Variants in PNLIPRP1 observed in about 807,000 individuals in gnomAD.
PNLIPRP1 encodes the protein pancreatic lipase related protein 1, also known as inactive pancreatic lipase-related protein 1.
PNLIPRP1 carries 57 observed loss-of-function variants against 54.6 expected under a neutral mutation model. The observed-to-expected ratio is 1.04, with a 90% CI of 0.84 to 1.30. PNLIPRP1 has a LOEUF of 1.30. Among genes scored for constraint, PNLIPRP1 ranks in the 50% most tolerant of loss-of-function variants. The pLI, the probability that PNLIPRP1 is intolerant of heterozygous loss-of-function variation, is 0.00. For missense variants in PNLIPRP1, 567 were observed against 568.5 expected (o/e 1.00, Z 0.03); for synonymous variants, 232 against 208.8 (o/e 1.11, Z -0.96).
intron 10 of PNLIPRP1, among the ~76,000 whole-genome samples, chr10:116,603,024 T>C (rs1045981522): frequency 2.0e-5 from 3 of 152,182 alleles, no homozygotes; most frequent in African/African-American, 7.2e-5. Context: ...GTATTGTGTG[T>C]GCACATGCAT....
Position 116,603,012 on chromosome 10 carries a change from ATGTAT to A in PNLIPRP1, c.1064-1014_1064-1010del, listed in dbSNP as rs1469647471. ...TGCACGCACATGCATGTTTGTGTAT[ATGTAT>A]TGTGTGTGCACATGCATATGTTTGT... On this transcript the variant is annotated intron_variant, in intron 10 of 12. Transcript: ENST00000358834. Among the ~76,000 whole-genome samples the A allele has an allele frequency of 2.0e-5, 3 of 152,010 alleles. No homozygotes were observed. The East Asian group carries it at 5.8e-4, about 29-fold the overall frequency.
rs782543696 is a variant in PNLIPRP1 at position 116,603,017 on chromosome 10, TTG to T, written c.1064-1006_1064-1005del. On this transcript the variant is annotated intron_variant, in intron 10 of 12. Coordinates refer to ENST00000358834, the MANE Select transcript of PNLIPRP1 (RefSeq NM_006229.4). ...GCACATGCATGTTTGTGTATATGTATTGTGTGTGCACATGCATATGTTTGTGT... is the reference window on the plus strand; with the variant it reads ...GCACATGCATGTTTGTGTATATGTATTGTGTGCACATGCATATGTTTGTGT... Among the ~76,000 whole-genome samples, 104 of 152,190 alleles carry T rather than the reference TTG, an allele frequency of 6.8e-4. 1 individual carries two copies. Among genetic ancestry groups the T allele is most frequent in the Non-Finnish European group, 1.2e-3 (83 of 68,002 alleles).
chr10:116,592,067 A>G, intron 3 of PNLIPRP1, 142 bp downstream of exon 3: 1 of 823,670 alleles, frequency 1.2e-6, no homozygotes, highest in Non-Finnish European at 1.9e-6. Context: ...ACCTAGCTAG[A>G]CCTAGACAGA....
intron 5 of PNLIPRP1, 152 bp downstream of exon 5, chr10:116,595,016 A>G: frequency 1.1e-6 from 1 of 915,968 alleles, no homozygotes; most frequent in Non-Finnish European, 1.6e-6. Flanking sequence ...CTTCATAATG[A>G]CACGCCAGTG....
chr10:116,608,148 C>T (rs1312058913), intron 12 of PNLIPRP1, among the ~76,000 whole-genome samples: 1 of 152,210 alleles, frequency 6.6e-6, no homozygotes, highest in South Asian at 2.1e-4. Context: ...TGAGCCACCA[C>T]ACCAGGCCTT....
At chr10:116,600,691 T>A (rs1450973574) in intron 9 of PNLIPRP1, among the ~76,000 whole-genome samples, 1 of 152,078 alleles carries the variant, frequency 6.6e-6, no homozygotes, top group Non-Finnish European at 1.5e-5. Context: ...TTCAGAGACA[T>A]CATGTTGGTA....
At chr10:116,599,413 T>G (rs1847794297) in intron 8 of PNLIPRP1, among the ~76,000 whole-genome samples, 2 of 152,172 alleles carry the variant, frequency 1.3e-5, no homozygotes, top group African/African-American at 4.8e-5. Flanking sequence ...AGGCCAGGTC[T>G]AGAAGGTATA....
At chr10:116,595,890 A>G (rs781938513) in intron 5 of PNLIPRP1, 4 of 221,790 alleles carry the variant, frequency 1.8e-5, no homozygotes, top group Non-Finnish European at 3.6e-5. Flanking sequence ...CTAAATTGAC[A>G]GCTGAAGGCT....
chr10:116,606,465 C>G (rs1402775652), intron 12 of PNLIPRP1, among the ~76,000 whole-genome samples: 1 of 152,110 alleles, frequency 6.6e-6, no homozygotes, highest in African/African-American at 2.4e-5. Flanking sequence ...GGTCGGGAGC[C>G]CTGTGCAAGC....
At chr10:116,594,245 A>G (rs372464138) in intron 4 of PNLIPRP1, 2 of 456,234 alleles carry the variant, frequency 4.4e-6, no homozygotes, top group Non-Finnish European at 8.7e-6. Flanking sequence ...AAATATCTAC[A>G]TGTGTCTACT....
Position 116,599,558 on chromosome 10 carries a change from C to T in PNLIPRP1, c.815-489C>T, listed in dbSNP as rs371328585. Among the ~76,000 whole-genome samples, 15 of 152,234 alleles carry T rather than the reference C, an allele frequency of 9.9e-5. No homozygotes were observed. In the East Asian group the frequency reaches 2.3e-3, roughly 24 times the overall value. ...CCCTTGTTTTTATTTGTATAACTGC[C>T]GCATGGAAATGTCCTCGCATTGGCT... is the stretch of plus-strand genomic sequence containing the variant. On this transcript the variant is annotated intron_variant, in intron 8 of 12. Coordinates refer to ENST00000358834, the MANE Select transcript of PNLIPRP1 (RefSeq NM_006229.4).
In PNLIPRP1 at chr10:116,609,165, G is replaced by A; in HGVS notation, c.*49G>A. 3 of 1,371,266 alleles carry A rather than the reference G, an allele frequency of 2.2e-6. No individual in the cohort carries two copies. In the Admixed American group the frequency reaches 5.7e-5, roughly 26 times the overall value. 84.9% of individuals were successfully genotyped at this position (1,371,266 alleles called of 1,614,324 possible). Reference sequence around the variant, plus strand: ...GCGTTCACACTAATAAAATCCACTGGTGCATCTGTATGCTCTGGGTCTATC... The same window carrying A: ...GCGTTCACACTAATAAAATCCACTGATGCATCTGTATGCTCTGGGTCTATC... On this transcript the variant is annotated 3_prime_UTR_variant, in exon 13 of 13. Transcript: ENST00000358834.
Position 116,609,162 on chromosome 10 carries a change from C to T in PNLIPRP1, c.*46C>T, listed in dbSNP as rs1847985735. 1.5e-6 allele frequency: 2 copies of T among 1,370,634 alleles called. No individual in the cohort carries two copies. The highest frequency in any genetic ancestry group is 2.9e-5 in the African/African-American group (2 of 69,604). The allele number at this position is 1,370,634 out of a possible 1,614,324, so 84.9% of individuals were successfully genotyped here. A position where few individuals can be genotyped will look rare whatever the true frequency, so the allele number is the denominator to read the frequency against. ...GCTGCGTTCACACTAATAAAATCCACTGGTGCATCTGTATGCTCTGGGTCT... is the reference window on the plus strand; with the variant it reads ...GCTGCGTTCACACTAATAAAATCCATTGGTGCATCTGTATGCTCTGGGTCT... On this transcript the variant is annotated 3_prime_UTR_variant, in exon 13 of 13. Transcript: ENST00000358834.
At chr10:116,602,577 G>T (rs1847865699) in intron 10 of PNLIPRP1, among the ~76,000 whole-genome samples, 1 of 152,116 alleles carries the variant, frequency 6.6e-6, no homozygotes, top group South Asian at 2.1e-4. Flanking sequence ...AAGCGTGTTG[G>T]GCTTGGTGGC....
intron 3 of PNLIPRP1, 37 bp from the exon 4 acceptor site, chr10:116,592,379 G>C (rs562420411): frequency 1.3e-6 from 2 of 1,557,784 alleles, no homozygotes; most frequent in South Asian, 2.5e-5. Context: ...GTGAGGCTGG[G>C]CTGCGAAAAC....
At chr10:116,594,886 T>C (rs371649793) in intron 5 of PNLIPRP1, 22 bp downstream of exon 5, 4 of 1,612,912 alleles carry the variant, frequency 2.5e-6, no homozygotes, top group African/African-American at 2.7e-5. Flanking sequence ...GGCTGGCCTA[T>C]GTGAGGAGGG....
chr10:116,605,102 A>G (rs1436142176), intron 11 of PNLIPRP1, among the ~76,000 whole-genome samples: 4 of 152,152 alleles, frequency 2.6e-5, no homozygotes, highest in Non-Finnish European at 5.9e-5. Context: ...TATGTGGCCA[A>G]TTTGTTACTG....
intron 5 of PNLIPRP1, chr10:116,595,908 T>C (rs1847726850): frequency 3.9e-6 from 1 of 254,270 alleles, no homozygotes; most frequent in South Asian, 6.1e-5. Context: ...GCTAGTCTGT[T>C]GATGTTAGCT....
At chr10:116,605,696 C>A in intron 12 of PNLIPRP1, 143 bp downstream of exon 12, 1 of 524,248 alleles carries the variant, frequency 1.9e-6, no homozygotes, top group Non-Finnish European at 3.3e-6. Context: ...CCCAAACAAG[C>A]AACTGACAAA....
Sources: allele counts gnomAD v4.1 joint callset (sites outside exome capture counted in the v4.1 genomes callset), GRCh38; gene constraint gnomAD v4.1.1; transcripts MANE v1.5; gene names NCBI Gene and HGNC (gene_info 2026-07-23, HGNC 2026-07-21).